The following STUM variants were observed in gnomAD, a reference collection of about 807,000 sequenced individuals.
The protein encoded by STUM is protein stum homolog.
Under a neutral mutation model 15.3 loss-of-function variants are expected in STUM, and 8 were observed. The observed-to-expected ratio is 0.52, with a 90% CI of 0.31 to 0.94. The LOEUF is 0.94. Ranked by LOEUF, STUM falls within the 40% of genes least tolerant of loss-of-function variation. The probability of loss-of-function intolerance (pLI) is 0.05; values close to 1 mark genes in which losing one functional copy is unlikely to be tolerated. For synonymous variants in STUM, 78 were observed against 88.7 expected, an observed-to-expected ratio of 0.88 and a Z score of 0.68; for missense variants, 142 against 204.9, an observed-to-expected ratio of 0.69 and a Z score of 1.87.
chr1:226,550,455 A>G (rs768590872), intron 1 of STUM, among the ~76,000 whole-genome samples: 8 of 151,960 alleles, frequency 5.3e-5, no homozygotes, highest in Non-Finnish European at 1.2e-4. Context: ...CTCTTTGCAC[A>G]TTTAGACACT....
chr1:226,566,301 A>G (rs1210984121), intron 1 of STUM, among the ~76,000 whole-genome samples: 1 of 152,238 alleles, frequency 6.6e-6, no homozygotes, highest in Non-Finnish European at 1.5e-5. Context: ...TTTGATAGCC[A>G]TGCCAATTAC....
In STUM at chr1:226,575,688, C is replaced by T. The variant is rs563280973; in HGVS notation, c.203-21114C>T. Among the ~76,000 whole-genome samples, 8 of 152,322 alleles carry T rather than the reference C, an allele frequency of 5.3e-5. No homozygotes were observed. The East Asian group carries it at 1.5e-3, about 29-fold the overall frequency. On this transcript the variant is annotated intron_variant, in intron 1 of 3. Transcript: ENST00000366788. Reference sequence around the variant, plus strand: ...TCCCAAAGTGCCATTTCTGGGAGGACAAAAATAACTAACACCATGTCATAT... The same window carrying T: ...TCCCAAAGTGCCATTTCTGGGAGGATAAAAATAACTAACACCATGTCATAT...
intron 1 of STUM, among the ~76,000 whole-genome samples, chr1:226,559,969 G>GGA (rs1667514042): frequency 1.6e-5 from 1 of 61,086 alleles, no homozygotes; most frequent in Admixed American, 1.8e-4. Flanking sequence ...GCAAGACTCC[G>GGA]TCTCAAAAAA....
In STUM at chr1:226,550,443, C is replaced by T. The variant is rs376071342; in HGVS notation, c.202+1337C>T. ...CCCCTGGCTGGTGTCATCAGATCAG[C>T]TCTCTTTGCACATTTAGACACTGCA... On this transcript the variant is annotated intron_variant, in intron 1 of 3. Transcript: ENST00000366788. Among the ~76,000 whole-genome samples, 18 of 152,232 alleles carry T rather than the reference C, an allele frequency of 1.2e-4. No individual in the cohort carries two copies. In the East Asian group the frequency reaches 3.3e-3, roughly 28 times the overall value.
chr1:226,553,267 G>T (rs1229387860), intron 1 of STUM, among the ~76,000 whole-genome samples: 1 of 152,072 alleles, frequency 6.6e-6, no homozygotes, highest in Non-Finnish European at 1.5e-5. Context: ...CATGAGAGAA[G>T]GACATTCTAG....
rs1667322220 is a variant in STUM at position 226,548,953 on chromosome 1, G to GCGGCGT, written c.49_50insCGGCGT (p.Val17delinsAlaAlaLeu). The GCGGCGT allele has an allele frequency of 6.8e-7, 1 of 1,466,838 alleles. No individual in the cohort carries two copies. Among genetic ancestry groups the GCGGCGT allele is most frequent in the Admixed American group, 2.9e-5 (1 of 34,314 alleles). 90.9% of individuals were successfully genotyped at this position (1,466,838 alleles called of 1,614,324 possible). ...CGAGACGGCGGCGGCGGCGGCGGCGGTGGCGGCGGCGGACCCCCGGGGGGC... is the reference window on the plus strand; with the variant it reads ...CGAGACGGCGGCGGCGGCGGCGGCGGCGGCGTTGGCGGCGGCGGACCCCCGGGGGGC... On this transcript the variant is annotated protein_altering_variant, in exon 1 of 4. Coordinates refer to ENST00000366788, the MANE Select transcript of STUM (RefSeq NM_001003665.4).
intron 1 of STUM, among the ~76,000 whole-genome samples, chr1:226,577,687 AG>A (rs899653778): frequency 5.3e-5 from 8 of 151,972 alleles, no homozygotes; most frequent in African/African-American, 1.7e-4. Context: ...ACTGAAAGGG[AG>A]GGGGGGCCAG....
chr1:226,564,125 G>A (rs1330036285), intron 1 of STUM, among the ~76,000 whole-genome samples: 2 of 152,190 alleles, frequency 1.3e-5, no homozygotes, highest in Non-Finnish European at 2.9e-5. Flanking sequence ...CTTGAGTCTG[G>A]CGAGATACCC....
intron 3 of STUM, among the ~76,000 whole-genome samples, chr1:226,601,736 G>A (rs1668270690): frequency 6.6e-6 from 1 of 152,190 alleles, no homozygotes; most frequent in Non-Finnish European, 1.5e-5. Flanking sequence ...GTGGGTTCAG[G>A]AGCATGTCGA....
intron 1 of STUM, among the ~76,000 whole-genome samples, chr1:226,559,020 A>G (rs906084437): frequency 1.3e-5 from 2 of 152,348 alleles, no homozygotes; most frequent in South Asian, 4.1e-4. Context: ...TTTCCTAATC[A>G]AAAGGTAGGA....
chr1:226,593,177 C>T (rs1451256215), intron 1 of STUM, among the ~76,000 whole-genome samples: 7 of 123,518 alleles, frequency 5.7e-5, no homozygotes, highest in East Asian at 2.3e-4. Flanking sequence ...CAGAGTGAGA[C>T]TCCGTCTCAA....
rs571756616 is a variant in STUM, at chr1:226,608,517, T to C, written c.*6477T>C. 3 of 152,276 alleles carry C rather than the reference T, an allele frequency of 2.0e-5. No individual in the cohort carries two copies. In the South Asian group the frequency reaches 6.2e-4, roughly 32 times the overall value. 9.4% of individuals were successfully genotyped at this position (152,276 alleles called of 1,614,324 possible). On this transcript the variant is annotated 3_prime_UTR_variant, in exon 4 of 4. Transcript: ENST00000366788. This position sits in a 1 kb window ranked among gnomAD's most constrained non-coding sequence, Gnocchi z 4.0. ...AACTTAATTTGCATATGAATGAGTG[T>C]TGTGTTGTGATTTGCAGTGTTTTGA...
chr1:226,591,668 G>A (rs982272762), intron 1 of STUM, among the ~76,000 whole-genome samples: 1 of 152,078 alleles, frequency 6.6e-6, no homozygotes, highest in South Asian at 2.1e-4. Context: ...TAGGCTTGAC[G>A]ACCTTCTGAC....
chr1:226,549,393 C>T lies in STUM; in HGVS notation c.202+287C>T, dbSNP rs1408701606. On this transcript the variant is annotated intron_variant, in intron 1 of 3. Coordinates refer to ENST00000366788, the MANE Select transcript of STUM (RefSeq NM_001003665.4). This position sits in a 1 kb window ranked among gnomAD's most constrained non-coding sequence, Gnocchi z 6.8. ...GCCCGCAGCGGCGGCCGGAATGGCT[C>T]TGCCGGCTTCGGAGTAGGGCTCCCG... Among the ~76,000 whole-genome samples, 1 of 152,206 alleles carries T rather than the reference C, an allele frequency of 6.6e-6. No individual in the cohort carries two copies. Among genetic ancestry groups the T allele is most frequent in the Non-Finnish European group, 1.5e-5 (1 of 68,038 alleles).
intron 1 of STUM, among the ~76,000 whole-genome samples, chr1:226,575,325 GA>G (rs1431745896): frequency 6.6e-6 from 1 of 152,282 alleles, no homozygotes; most frequent in African/African-American, 2.4e-5. Context: ...TGGGAATGCA[GA>G]AAAGTGACTT....
At chr1:226,569,535 A>G (rs1301379231) in intron 1 of STUM, among the ~76,000 whole-genome samples, 5 of 152,194 alleles carry the variant, frequency 3.3e-5, no homozygotes, top group Admixed American at 3.3e-4. Context: ...CCCACACTGC[A>G]GTTCTCAGAC....
Position 226,567,137 on chromosome 1 carries a change from C to T in STUM, c.202+18031C>T, listed in dbSNP as rs896156925. On this transcript the variant is annotated intron_variant, in intron 1 of 3. Transcript: ENST00000366788. This position sits in a 1 kb window ranked among gnomAD's most constrained non-coding sequence, Gnocchi z 4.5. ...GACCAGCCTGTTCCTAGGATGAAGCCAGTAGGGTGGTGAGGCCGGGGCACC... is the reference window on the plus strand; with the variant it reads ...GACCAGCCTGTTCCTAGGATGAAGCTAGTAGGGTGGTGAGGCCGGGGCACC... 1.3e-5 allele frequency among the ~76,000 whole-genome samples: 2 copies of T among 152,170 alleles called. No individual in the cohort carries two copies. The highest frequency in any genetic ancestry group is 2.9e-5 in the Non-Finnish European group (2 of 68,028).
chr1:226,557,626 G>A lies in STUM; in HGVS notation c.202+8520G>A, dbSNP rs539842983. Among the ~76,000 whole-genome samples the A allele has an allele frequency of 3.9e-5, 6 of 152,142 alleles. No individual in the cohort carries two copies. The South Asian group carries it at 6.2e-4, about 16-fold the overall frequency. On this transcript the variant is annotated intron_variant, in intron 1 of 3. Coordinates refer to ENST00000366788, the MANE Select transcript of STUM (RefSeq NM_001003665.4). ...GTACAAGGGTTCCCCTTTTCTCCAC[G>A]TCCTCACCAACACTTGTTCTCTTTC...
Position 226,602,697 on chromosome 1 carries a change from G to A in STUM, c.*657G>A, listed in dbSNP as rs1248192973. On this transcript the variant is annotated 3_prime_UTR_variant, in exon 4 of 4. Coordinates refer to ENST00000366788, the MANE Select transcript of STUM (RefSeq NM_001003665.4). Reference sequence around the variant, plus strand: ...CGCAGCTGAAATCTGAGGGCTGGGTGTGTCGTGACCTGTGTTTTCCTGGGA... The same window carrying A: ...CGCAGCTGAAATCTGAGGGCTGGGTATGTCGTGACCTGTGTTTTCCTGGGA... The A allele has an allele frequency of 6.6e-6, 1 of 152,590 alleles. No individual in the cohort carries two copies. Among genetic ancestry groups the A allele is most frequent in the Admixed American group, 6.5e-5 (1 of 15,320 alleles). The allele number at this position is 152,590 out of a possible 1,614,324, so 9.5% of individuals were successfully genotyped here. A position where few individuals can be genotyped will look rare whatever the true frequency, so the allele number is the denominator to read the frequency against.
Sources: allele counts gnomAD v4.1 joint callset (sites outside exome capture counted in the v4.1 genomes callset), GRCh38; gene constraint gnomAD v4.1.1; non-coding constraint Gnocchi (gnomAD v3.1); transcripts MANE v1.5; gene names NCBI Gene and HGNC (gene_info 2026-07-23, HGNC 2026-07-21).